KLHL4: variants seen among roughly 807,000 people sequenced by gnomAD.
The protein encoded by KLHL4 is kelch like family member 4.
Under a neutral mutation model 45.8 loss-of-function variants are expected in KLHL4, and 17 were observed. The ratio of observed to expected loss-of-function variants is 0.37; its 90% CI spans 0.25 to 0.56. The LOEUF is 0.56. KLHL4 is among the 20% of genes least tolerant of loss of function. The pLI is 0.79. For missense variants in KLHL4, 544 were observed against 544.9 expected, an observed-to-expected ratio of 1.00 and a Z score of 0.02; for synonymous variants, 224 against 189.9, an observed-to-expected ratio of 1.18 and a Z score of -1.47.
intron 1 of KLHL4, among the ~76,000 whole-genome samples, chrX:87,528,980 T>C (rs1931181387): frequency 9.1e-6 from 1 of 110,378 alleles, no homozygotes; most frequent in Admixed American, 9.8e-5. Flanking sequence ...TTTAAGGGAA[T>C]ACTCATTGGA....
chrX:87,533,693 T>G (rs1211565448), intron 1 of KLHL4, among the ~76,000 whole-genome samples: 1 of 110,049 alleles, frequency 9.1e-6, no homozygotes, highest in African/African-American at 3.3e-5. Flanking sequence ...ACCCTAAAAC[T>G]TAAAGTATAA....
intron 1 of KLHL4, among the ~76,000 whole-genome samples, chrX:87,528,480 G>T (rs1284190886): frequency 1.8e-5 from 2 of 109,751 alleles, no homozygotes; most frequent in African/African-American, 6.6e-5. Flanking sequence ...ACTTTGGGAG[G>T]CCGAGGCAGG....
At chrX:87,550,642 G>A (rs186683233) in intron 1 of KLHL4, among the ~76,000 whole-genome samples, 1,185 of 109,943 alleles carry the variant, frequency 0.011, 14 homozygotes, top group African/African-American at 0.037. Context: ...ACAAAATATC[G>A]AAAAAAAATC....
chrX:87,532,659 AAGTTGG>A (rs1246403560), intron 1 of KLHL4, among the ~76,000 whole-genome samples: 9 of 103,848 alleles, frequency 8.7e-5, no homozygotes, highest in Admixed American at 3.3e-4. Context: ...CATCCCTTGT[AAGTTGG>A]ATTCCTAGGT....
intron 1 of KLHL4, among the ~76,000 whole-genome samples, chrX:87,608,580 T>G (rs1922270399): frequency 9.0e-6 from 1 of 110,783 alleles, no homozygotes; most frequent in African/African-American, 3.3e-5. Context: ...TTTATTTGGT[T>G]CATGATTCTG....
chrX:87,547,482 A>T (rs1378102960), intron 1 of KLHL4, among the ~76,000 whole-genome samples: 4 of 111,534 alleles, frequency 3.6e-5, no homozygotes, highest in Non-Finnish European at 7.5e-5. Flanking sequence ...CTTTACAGAC[A>T]TGGGAAAACA....
chrX:87,531,579 A>G (rs1308514443), intron 1 of KLHL4, among the ~76,000 whole-genome samples: 1 of 107,026 alleles, frequency 9.3e-6, no homozygotes, highest in Non-Finnish European at 1.9e-5. Context: ...ATATCTAGAA[A>G]ACCCCATTTT....
chrX:87,650,789 A>C (rs1602465053), intron 9 of KLHL4, among the ~76,000 whole-genome samples: 1 of 112,014 alleles, frequency 8.9e-6, no homozygotes, highest in African/African-American at 3.2e-5. Context: ...GAAGAAAAAG[A>C]TGTTTAATGG....
chrX:87,555,382 G>T (rs1390823375), intron 1 of KLHL4, among the ~76,000 whole-genome samples: 2 of 111,058 alleles, frequency 1.8e-5, no homozygotes, highest in African/African-American at 6.5e-5. Context: ...ATTGATTATT[G>T]CCACAATTTC....
intron 1 of KLHL4, among the ~76,000 whole-genome samples, chrX:87,598,161 G>A (rs1029947915): frequency 9.0e-6 from 1 of 110,743 alleles, no homozygotes; most frequent in Non-Finnish European, 1.9e-5. Context: ...TATTTGTAAT[G>A]AGTATATAAA....
In KLHL4 at chrX:87,664,857, C is replaced by T. The variant is rs200171444; in HGVS notation, c.2019C>T (p.Tyr673=). 177 of 1,197,222 alleles carry T rather than the reference C, an allele frequency of 1.5e-4. 1 individual carries two copies. Among genetic ancestry groups the T allele is most frequent in the Non-Finnish European group, 1.9e-4 (166 of 884,218 alleles). Residue 673 remains tyrosine, a synonymous_variant, in exon 10 of 11, where the codon TAC becomes TAT. Transcript: ENST00000373119. ...VAVCPLGDKL[Y]VVGGYDGHTY... is the part of the protein sequence containing the mutation. ...TGTGCCCTCTTGGAGACAAACTCTA[C>T]GTGGTTGGAGGATATGACGGACATA...
Position 87,667,604 on chromosome X carries a change from A to G in KLHL4, c.*1070A>G, listed in dbSNP as rs1924415406. On this transcript the variant is annotated 3_prime_UTR_variant, in exon 11 of 11. Coordinates refer to ENST00000373119, the MANE Select transcript of KLHL4 (RefSeq NM_019117.5). ...ATGTGTGCTATATAAAAAAAAAAAA[A>G]GACTTGTTAAGTTTTAAAATAACAA... The G allele has an allele frequency of 3.4e-6, 2 of 587,740 alleles. No individual in the cohort carries two copies. Among genetic ancestry groups the G allele is most frequent in the African/African-American group, 5.1e-5 (2 of 38,953 alleles). 48.4% of individuals were successfully genotyped at this position (587,740 alleles called of 1,213,427 possible).
chrX:87,625,909 A>G, intron 6 of KLHL4, 113 bp downstream of exon 6: 1 of 554,743 alleles, frequency 1.8e-6, no homozygotes, highest in Non-Finnish European at 2.8e-6. Context: ...GTGAATTTTC[A>G]TAAATAGGGT....
intron 4 of KLHL4, among the ~76,000 whole-genome samples, chrX:87,618,919 CAATT>C (rs1312156782): frequency 4.5e-5 from 5 of 111,980 alleles, no homozygotes; most frequent in South Asian, 3.7e-4. Flanking sequence ...ATTCTATTAA[CAATT>C]AAATCTAATG....
chrX:87,541,777 G>A (rs755202830), intron 1 of KLHL4, among the ~76,000 whole-genome samples: 1 of 111,474 alleles, frequency 9.0e-6, no homozygotes, highest in Admixed American at 9.6e-5. Flanking sequence ...ATGTGGGAGC[G>A]ACTTTGGAAC....
chrX:87,664,630 C>G (rs1220925134), intron 9 of KLHL4, 134 bp from the exon 10 acceptor site: 2 of 437,480 alleles, frequency 4.6e-6, no homozygotes, highest in African/African-American at 5.0e-5. Context: ...TAATATTATC[C>G]AATCTACATT....
At chrX:87,604,424 CT>C (rs35980706) in intron 1 of KLHL4, among the ~76,000 whole-genome samples, 2 of 111,056 alleles carry the variant, frequency 1.8e-5, no homozygotes, top group Non-Finnish European at 3.8e-5. Flanking sequence ...CAAGACTTTT[CT>C]TTTTTTCTTT....
chrX:87,559,396 T>C (rs1569341573), intron 1 of KLHL4, among the ~76,000 whole-genome samples: 1 of 111,418 alleles, frequency 9.0e-6, no homozygotes, highest in Non-Finnish European at 1.9e-5. Flanking sequence ...ACAGCCTTAG[T>C]TGTGATTCTT....
At position 87,667,269 on chromosome X, in the gene KLHL4, A is replaced by G. The variant is rs1480666077; in HGVS notation, c.*735A>G. On this transcript the variant is annotated 3_prime_UTR_variant, in exon 11 of 11. Coordinates refer to ENST00000373119, the MANE Select transcript of KLHL4 (RefSeq NM_019117.5). ...TTTCATATACACAGTCTATACAATGAAATAATGAATATTTATCATATTGAT... is the reference window on the plus strand; with the variant it reads ...TTTCATATACACAGTCTATACAATGGAATAATGAATATTTATCATATTGAT... 1 of 722,475 alleles carries G rather than the reference A, an allele frequency of 1.4e-6. No individual in the cohort carries two copies. Among genetic ancestry groups the G allele is most frequent in the African/African-American group, 2.3e-5 (1 of 42,601 alleles). 59.5% of individuals were successfully genotyped at this position (722,475 alleles called of 1,213,427 possible).
Sources: gnomAD v4.1 joint callset for allele counts (sites outside exome capture counted in the v4.1 genomes callset) on GRCh38, gnomAD v4.1.1 for gene constraint, MANE v1.5 for transcripts, NCBI Gene and HGNC (gene_info 2026-07-23, HGNC 2026-07-21) for gene names.